The following PARN variants were observed in gnomAD, a reference collection of about 807,000 sequenced individuals.
PARN encodes poly(A)-specific ribonuclease.
Under a neutral mutation model 102.8 loss-of-function variants are expected in PARN, and 71 were observed. The observed-to-expected ratio is 0.69, with a 90% confidence interval of 0.57 to 0.84. PARN has a LOEUF of 0.84. PARN is among the 40% of genes least tolerant of loss of function. The pLI is 0.00. For synonymous variants in PARN, 261 were observed against 252.9 expected (o/e 1.03, Z -0.30); for missense variants, 782 against 760.9 (o/e 1.03, Z -0.33).
At chr16:14,583,060 C>T (rs574980013) in intron 16 of PARN, among the ~76,000 whole-genome samples, 11 of 152,232 alleles carry the variant, frequency 7.2e-5, no homozygotes, top group Admixed American at 6.5e-4. Context: ...AAAAATAAAT[C>T]GAACTTGCTA....
chr16:14,479,387 C>T (rs1448397685), intron 22 of PARN, among the ~76,000 whole-genome samples: 1 of 151,646 alleles, frequency 6.6e-6, no homozygotes, highest in Non-Finnish European at 1.5e-5. Context: ...TGCTACTGTA[C>T]TCTACCCTGG....
intron 12 of PARN, among the ~76,000 whole-genome samples, chr16:14,596,342 A>T (rs1970509308): frequency 6.6e-6 from 1 of 152,118 alleles, no homozygotes; most frequent in South Asian, 2.1e-4. Context: ...GCAACAAAGT[A>T]AACAGTAAAA....
chr16:14,509,898 G>A (rs1385221184), intron 21 of PARN, among the ~76,000 whole-genome samples: 1 of 152,106 alleles, frequency 6.6e-6, no homozygotes, highest in Non-Finnish European at 1.5e-5. Flanking sequence ...AATGGGTTTC[G>A]CAACTCACCA....
At chr16:14,460,016 T>C (rs1350437211) in intron 22 of PARN, among the ~76,000 whole-genome samples, 1 of 152,144 alleles carries the variant, frequency 6.6e-6, no homozygotes, top group African/African-American at 2.4e-5. Flanking sequence ...AATATAAAAC[T>C]GAGAATAATT....
chr16:14,519,081 T>C (rs890457451), intron 21 of PARN, among the ~76,000 whole-genome samples: 1 of 152,014 alleles, frequency 6.6e-6, no homozygotes, highest in African/African-American at 2.4e-5. Context: ...TGAATGATTA[T>C]ATGATATTCT....
intron 21 of PARN, among the ~76,000 whole-genome samples, chr16:14,514,155 CTTTAT>C (rs1965340882): frequency 6.6e-6 from 1 of 152,122 alleles, no homozygotes; most frequent in African/African-American, 2.4e-5. Context: ...ATAAGAGTCA[CTTTAT>C]TTATTTAATT....
intron 20 of PARN, among the ~76,000 whole-genome samples, chr16:14,552,691 A>G (rs1967386095): frequency 4.6e-5 from 7 of 152,088 alleles, no homozygotes; most frequent in Admixed American, 4.6e-4. Flanking sequence ...GCTCACGCCT[A>G]TAATCCCAGC....
intron 21 of PARN, among the ~76,000 whole-genome samples, chr16:14,533,855 G>A (rs140067023): frequency 2.3e-3 from 351 of 152,306 alleles, no homozygotes; most frequent in African/African-American, 8.1e-3. Flanking sequence ...ACAAGACACT[G>A]ATTCCTTGAA....
Position 14,580,868 on chromosome 16 carries a change from ACTTACTT to A in PARN, c.1261_1262+5del. On this transcript the variant is annotated splice_donor_variant and splice_donor_5th_base_variant and coding_sequence_variant and intron_variant, in exon 18 of 24. Transcript: ENST00000437198. LOFTEE classifies it high-confidence loss of function. ...ACTTGGAAACTGGAACTCTCTGATT[ACTTACTT>A]GTTAAAAAAAGGTTCAATGAGTTTT... 1 of 1,570,896 alleles carries A rather than the reference ACTTACTT, an allele frequency of 6.4e-7. No individual in the cohort carries two copies. The highest frequency in any genetic ancestry group is 8.8e-7 in the Non-Finnish European group (1 of 1,140,932).
intron 22 of PARN, among the ~76,000 whole-genome samples, chr16:14,452,092 C>T (rs1272599019): frequency 1.3e-5 from 2 of 151,958 alleles, no homozygotes; most frequent in Non-Finnish European, 2.9e-5. Context: ...CATATCTCAA[C>T]ATCATGTGGC....
intron 18 of PARN, among the ~76,000 whole-genome samples, chr16:14,580,432 C>T (rs898605829): frequency 6.6e-6 from 1 of 151,984 alleles, no homozygotes; most frequent in South Asian, 2.1e-4. Context: ...GGATTACAGG[C>T]ACATGCCACC....
chr16:14,559,003 C>A (rs143862720), intron 18 of PARN, among the ~76,000 whole-genome samples: 1 of 152,172 alleles, frequency 6.6e-6, no homozygotes, highest in East Asian at 1.9e-4. Flanking sequence ...CACTACCTCA[C>A]CTGGCTGGGA....
At chr16:14,468,009 C>T (rs535856582) in intron 22 of PARN, among the ~76,000 whole-genome samples, 1 of 152,254 alleles carries the variant, frequency 6.6e-6, no homozygotes, top group African/African-American at 2.4e-5. Flanking sequence ...CGTGACAATC[C>T]CTGACTTTTT....
chr16:14,474,224 C>T (rs1019531815), intron 22 of PARN, among the ~76,000 whole-genome samples: 1 of 152,084 alleles, frequency 6.6e-6, no homozygotes, highest in Non-Finnish European at 1.5e-5. Flanking sequence ...AGGCTGGTCT[C>T]GAGCTTCTGA....
chr16:14,552,285 C>A (rs563720316), intron 20 of PARN, among the ~76,000 whole-genome samples, 190 bp from the exon 21 acceptor site: 2 of 152,076 alleles, frequency 1.3e-5, no homozygotes, highest in African/African-American at 4.8e-5. Flanking sequence ...CAGTTATTTA[C>A]GTTAAAACTT....
chr16:14,548,711 T>C (rs1466952998), intron 21 of PARN, among the ~76,000 whole-genome samples: 2 of 151,928 alleles, frequency 1.3e-5, no homozygotes, highest in East Asian at 3.9e-4. Flanking sequence ...TCCCAGAACT[T>C]TGGGAGGCTG....
intron 21 of PARN, among the ~76,000 whole-genome samples, chr16:14,512,011 T>C (rs1304006671): frequency 6.6e-6 from 1 of 152,224 alleles, no homozygotes; most frequent in Admixed American, 6.5e-5. Flanking sequence ...TATAACCTAC[T>C]TCACAAGTAA....
rs149236996 is a variant in PARN, at chr16:14,486,054, T to C, written c.1481-3227A>G. On this transcript the variant is annotated intron_variant, in intron 21 of 23. Coordinates refer to ENST00000437198, the MANE Select transcript of PARN (RefSeq NM_002582.4). ...GCAAGCACACCCAAAAGGGATGACA[T>C]CTGCAATAATCCCTCTGTTGCCAGG... is the stretch of plus-strand genomic sequence containing the variant. Among the ~76,000 whole-genome samples the C allele has an allele frequency of 8.5e-3, 1,290 of 152,304 alleles. 21 individuals are homozygous for C. Among genetic ancestry groups the C allele is most frequent in the African/African-American group, 0.029 (1,210 of 41,564 alleles).
At chr16:14,472,740 A>T (rs570986460) in intron 22 of PARN, among the ~76,000 whole-genome samples, 32 of 152,382 alleles carry the variant, frequency 2.1e-4, no homozygotes, top group African/African-American at 7.7e-4. Flanking sequence ...TTATACATGC[A>T]AAACAATATA....
Sources: allele counts gnomAD v4.1 joint callset (sites outside exome capture counted in the v4.1 genomes callset), GRCh38; gene constraint gnomAD v4.1.1; transcripts MANE v1.5; gene names NCBI Gene and HGNC (gene_info 2026-07-23, HGNC 2026-07-21).